The following NEK10 variants were observed in gnomAD, a reference collection of about 807,000 sequenced individuals.
NEK10 encodes serine/threonine-protein kinase Nek10.
In NEK10, 122 loss-of-function variants were observed where a neutral mutation model predicts 159.8. That is an observed-to-expected ratio of 0.76 (90% confidence interval 0.66 to 0.89). The LOEUF is 0.89. Ranked by LOEUF, NEK10 falls within the 40% of genes least tolerant of loss-of-function variation. The pLI is 0.00. For missense variants in NEK10, 1,342 were observed against 1,323.1 expected, an observed-to-expected ratio of 1.01 and a Z score of -0.22; for synonymous variants, 466 against 457.1, an observed-to-expected ratio of 1.02 and a Z score of -0.25.
intron 32 of NEK10, among the ~76,000 whole-genome samples, chr3:27,129,889 GT>G (rs199948729): frequency 1.3e-3 from 188 of 144,692 alleles, no homozygotes; most frequent in South Asian, 8.3e-3. Context: ...ATTAAGAAAG[GT>G]TTTTTTTTTT....
intron 26 of NEK10, among the ~76,000 whole-genome samples, chr3:27,181,386 A>G (rs576898348): frequency 2.6e-5 from 4 of 152,074 alleles, no homozygotes; most frequent in Non-Finnish European, 5.9e-5. Context: ...TTTACTATTC[A>G]TTAAGTGGAA....
chr3:27,111,209 G>A lies in NEK10; in HGVS notation c.*63C>T. On this transcript the variant is annotated 3_prime_UTR_variant, in exon 36 of 36. Coordinates refer to ENST00000691995, the MANE Select transcript of NEK10 (RefSeq NM_001394966.1). Reference sequence around the variant, plus strand: ...CCCAATCCTTGGGCATCTTGCAATAGCGGCTGAAGTCCAGAACTTGAACTT... The same window carrying A: ...CCCAATCCTTGGGCATCTTGCAATAACGGCTGAAGTCCAGAACTTGAACTT... 6.7e-7 allele frequency: 1 copy of A among 1,484,404 alleles called. No homozygotes were observed. The highest frequency in any genetic ancestry group is 1.7e-5 in the Admixed American group (1 of 58,356). 92.0% of individuals were successfully genotyped at this position (1,484,404 alleles called of 1,614,324 possible). A position where few individuals can be genotyped will look rare whatever the true frequency, so the allele number is the denominator to read the frequency against.
chr3:27,323,064 C>T (rs1469180793), intron 5 of NEK10, among the ~76,000 whole-genome samples: 1 of 152,118 alleles, frequency 6.6e-6, no homozygotes, highest in Non-Finnish European at 1.5e-5. Context: ...CAGAAGCAGA[C>T]CCTGAGATGA....
At chr3:27,134,590 A>G (rs1401071064) in intron 31 of NEK10, among the ~76,000 whole-genome samples, 1 of 152,154 alleles carries the variant, frequency 6.6e-6, no homozygotes, top group African/African-American at 2.4e-5. Context: ...GATTTATTTA[A>G]CTTGAGAAGC....
chr3:27,192,373 T>C, intron 25 of NEK10, 131 bp from the exon 26 acceptor site: 3 of 669,900 alleles, frequency 4.5e-6, no homozygotes, highest in Admixed American at 5.2e-5. Flanking sequence ...TGGGATAAGA[T>C]GGATATCAAG....
chr3:27,235,906 TA>T lies in NEK10; in HGVS notation c.2090+20389del, dbSNP rs548125196. Among the ~76,000 whole-genome samples, 27 of 151,460 alleles carry T rather than the reference TA, an allele frequency of 1.8e-4. No individual in the cohort carries two copies. In the Middle Eastern group the frequency reaches 0.024, roughly 134 times the overall value. ...AAATGCTCAAAAATGATAGACTGGG[TA>T]AAAAAAAGTGATACATATAAAGAAA... is the stretch of plus-strand genomic sequence containing the variant. On this transcript the variant is annotated intron_variant, in intron 23 of 35. Transcript: ENST00000691995.
In NEK10 at chr3:27,324,627, T is replaced by A. The variant is rs567711214; in HGVS notation, c.363-2366A>T. Among the ~76,000 whole-genome samples the A allele has an allele frequency of 5.9e-5, 9 of 152,228 alleles. No homozygotes were observed. In the South Asian group the frequency reaches 1.5e-3, roughly 25 times the overall value. On this transcript the variant is annotated intron_variant, in intron 5 of 35. Coordinates refer to ENST00000691995, the MANE Select transcript of NEK10 (RefSeq NM_001394966.1). Reference sequence around the variant, plus strand: ...ACCACCCAGGATCAAGCCACCACCATCTTTTGCTTGAGCCATTGCAAAAGC... The same window carrying A: ...ACCACCCAGGATCAAGCCACCACCAACTTTTGCTTGAGCCATTGCAAAAGC...
intron 32 of NEK10, among the ~76,000 whole-genome samples, chr3:27,127,941 A>T (rs1942160613): frequency 6.6e-6 from 1 of 151,978 alleles, no homozygotes; most frequent in African/African-American, 2.4e-5. Flanking sequence ...AAAACAGGTC[A>T]CTTTTCCTAT....
At chr3:27,264,612 C>G (rs1414769203) in intron 22 of NEK10, among the ~76,000 whole-genome samples, 1 of 152,132 alleles carries the variant, frequency 6.6e-6, no homozygotes, top group Non-Finnish European at 1.5e-5. Flanking sequence ...AATTAATTGG[C>G]CAAGCCTGGT....
chr3:27,259,869 T>C (rs1488435781), intron 22 of NEK10, among the ~76,000 whole-genome samples: 1 of 152,204 alleles, frequency 6.6e-6, no homozygotes, highest in African/African-American at 2.4e-5. Flanking sequence ...TGTTCTTCCA[T>C]TTGTTTGTAT....
At chr3:27,269,849 G>A (rs568500584) in intron 22 of NEK10, among the ~76,000 whole-genome samples, 7 of 152,028 alleles carry the variant, frequency 4.6e-5, no homozygotes, top group Admixed American at 2.0e-4. Flanking sequence ...AAAATTACTC[G>A]GTTGTTCCTG....
At chr3:27,211,004 A>C (rs7627508) in intron 23 of NEK10, among the ~76,000 whole-genome samples, 31,804 of 152,198 alleles carry the variant, frequency 0.21, 3,290 homozygotes, top group African/African-American at 0.25. Context: ...CATAAATTTC[A>C]TAACAGTAAA....
intron 5 of NEK10, among the ~76,000 whole-genome samples, chr3:27,334,855 A>G (rs1277818147): frequency 6.6e-6 from 1 of 152,218 alleles, no homozygotes; most frequent in South Asian, 2.1e-4. Flanking sequence ...GACACCTCCA[A>G]AGGAGAACAA....
chr3:27,328,544 GGCTGGA>G (rs2046177168), intron 5 of NEK10, among the ~76,000 whole-genome samples: 1 of 152,198 alleles, frequency 6.6e-6, no homozygotes, highest in South Asian at 2.1e-4. Flanking sequence ...AAGCCAGTGG[GGCTGGA>G]GCAGAGTGAG....
At chr3:27,351,184 A>G (rs2047944281) in intron 3 of NEK10, among the ~76,000 whole-genome samples, 1 of 148,444 alleles carries the variant, frequency 6.7e-6, no homozygotes, top group South Asian at 2.1e-4. Flanking sequence ...AGATTTTATA[A>G]GAAAGAAATT....
intron 23 of NEK10, among the ~76,000 whole-genome samples, chr3:27,232,774 G>C (rs1953443893): frequency 6.6e-6 from 1 of 151,948 alleles, no homozygotes; most frequent in Non-Finnish European, 1.5e-5. Context: ...ACAGCCAACT[G>C]ATCTTCAACA....
chr3:27,361,888 TG>T (rs1433807971), intron 1 of NEK10, among the ~76,000 whole-genome samples: 1 of 108,610 alleles, frequency 9.2e-6, no homozygotes, highest in Non-Finnish European at 2.1e-5. Flanking sequence ...ACAAGACCAC[TG>T]GGCACTACAA....
chr3:27,118,930 T>C (rs928224134), intron 33 of NEK10, among the ~76,000 whole-genome samples: 3 of 152,300 alleles, frequency 2.0e-5, no homozygotes, highest in Non-Finnish European at 4.4e-5. Flanking sequence ...TTTTCCAAGC[T>C]AAAGAGATGG....
chr3:27,354,538 T>A (rs1575897656), intron 1 of NEK10, among the ~76,000 whole-genome samples: 1 of 152,178 alleles, frequency 6.6e-6, no homozygotes, highest in Admixed American at 6.5e-5. Flanking sequence ...TAAATGGAGA[T>A]ATTCTGAAAA....
Sources: allele counts gnomAD v4.1 joint callset (sites outside exome capture counted in the v4.1 genomes callset), GRCh38; gene constraint gnomAD v4.1.1; transcripts MANE v1.5; gene names NCBI Gene and HGNC (gene_info 2026-07-23, HGNC 2026-07-21).